The following KIAA1217 variants were observed in gnomAD, a reference collection of about 807,000 sequenced individuals.
KIAA1217 encodes the protein KIAA1217.
KIAA1217 carries 88 observed loss-of-function variants against 163.9 expected under a neutral mutation model. The observed-to-expected ratio is 0.54, with a 90% confidence interval of 0.45 to 0.64. KIAA1217 has a LOEUF of 0.64. Among genes scored for constraint, KIAA1217 ranks in the 30% least tolerant of loss-of-function variants. KIAA1217 has a pLI of 0.00. For synonymous variants in KIAA1217, 903 were observed against 923.1 expected (o/e 0.98, Z 0.39); for missense variants, 2,372 against 2,475.0 (o/e 0.96, Z 0.88).
At chr10:23,711,279 G>A (rs1167149884) in intron 1 of KIAA1217, among the ~76,000 whole-genome samples, 2 of 152,146 alleles carry the variant, frequency 1.3e-5, no homozygotes, top group African/African-American at 4.8e-5. Flanking sequence ...CTTTGCAGAT[G>A]GGATTCTATT....
At chr10:24,268,191 T>C (rs1590385054) in intron 2 of KIAA1217, among the ~76,000 whole-genome samples, 1 of 152,330 alleles carries the variant, frequency 6.6e-6, no homozygotes, top group African/African-American at 2.4e-5. Context: ...GTCGCCTATA[T>C]TGACTTTTCA....
chr10:24,524,837 A>C, intron 13 of KIAA1217, 73 bp downstream of exon 13: 2 of 1,280,368 alleles, frequency 1.6e-6, no homozygotes, highest in South Asian at 1.5e-5. Flanking sequence ...TAAAGCATTT[A>C]TAGGTCAGAT....
At chr10:24,320,543 C>G (rs1318874769) in intron 2 of KIAA1217, among the ~76,000 whole-genome samples, 1 of 152,184 alleles carries the variant, frequency 6.6e-6, no homozygotes, top group African/African-American at 2.4e-5. Flanking sequence ...TAAATATTGC[C>G]TTGGGGCAGT....
chr10:23,785,527 C>T (rs1835454105), intron 1 of KIAA1217, among the ~76,000 whole-genome samples: 2 of 152,148 alleles, frequency 1.3e-5, no homozygotes, highest in South Asian at 4.1e-4. Context: ...CTTTGAATTT[C>T]AATTAAAACC....
intron 2 of KIAA1217, among the ~76,000 whole-genome samples, chr10:24,070,571 C>T (rs1167276126): frequency 6.6e-6 from 1 of 152,030 alleles, no homozygotes; most frequent in Non-Finnish European, 1.5e-5. Flanking sequence ...TATAATTAAG[C>T]CAAATACATT....
chr10:24,063,064 A>G (rs1160102962), intron 2 of KIAA1217, among the ~76,000 whole-genome samples: 1 of 151,898 alleles, frequency 6.6e-6, no homozygotes, highest in East Asian at 1.9e-4. Flanking sequence ...AGTAGGTTGC[A>G]AAAATTTTCT....
At chr10:24,177,602 T>C (rs764587639) in intron 2 of KIAA1217, among the ~76,000 whole-genome samples, 13 of 151,852 alleles carry the variant, frequency 8.6e-5, no homozygotes, top group Non-Finnish European at 1.6e-4. Context: ...ATCTGTATAA[T>C]AAAGATATTC....
chr10:24,206,938 T>C (rs1335757911), upstream of KIAA1217, among the ~76,000 whole-genome samples: 1 of 152,118 alleles, frequency 6.6e-6, no homozygotes, highest in Non-Finnish European at 1.5e-5. Flanking sequence ...TTTTTGTCCA[T>C]CTAGGGGTCA....
At chr10:23,788,954 C>T (rs1835614413) in intron 1 of KIAA1217, among the ~76,000 whole-genome samples, 1 of 152,166 alleles carries the variant, frequency 6.6e-6, no homozygotes, top group Admixed American at 6.5e-5. Context: ...GAGCTCACGT[C>T]AAAAGGGACA....
intron 2 of KIAA1217, among the ~76,000 whole-genome samples, chr10:24,324,116 A>T (rs879491809): frequency 6.6e-6 from 1 of 151,384 alleles, no homozygotes; most frequent in Non-Finnish European, 1.5e-5. Flanking sequence ...AAAAAAATTT[A>T]AATTAGCTAA....
chr10:23,765,375 G>A (rs888254855), intron 1 of KIAA1217, among the ~76,000 whole-genome samples: 6 of 151,570 alleles, frequency 4.0e-5, no homozygotes, highest in East Asian at 1.9e-4. Flanking sequence ...GGGTTTCACC[G>A]TGTTAGCCAG....
At chr10:24,303,527 C>A (rs1409584730) in intron 2 of KIAA1217, among the ~76,000 whole-genome samples, 1 of 152,240 alleles carries the variant, frequency 6.6e-6, no homozygotes, top group East Asian at 1.9e-4. Flanking sequence ...CTGGGAAGGA[C>A]TGTAAAGAAA....
intron 12 of KIAA1217, among the ~76,000 whole-genome samples, chr10:24,523,624 CATT>C (rs1345510423): frequency 3.9e-5 from 6 of 152,174 alleles, no homozygotes; most frequent in Non-Finnish European, 7.3e-5. Context: ...CTGAGGAAGT[CATT>C]ATCATCACCA....
chr10:23,859,976 C>T (rs1172899419), intron 1 of KIAA1217, among the ~76,000 whole-genome samples: 1 of 151,996 alleles, frequency 6.6e-6, no homozygotes, highest in Non-Finnish European at 1.5e-5. Context: ...TTGTCATATG[C>T]TCATTTGAGT....
chr10:24,537,795 T>A (rs1045895690), intron 17 of KIAA1217, among the ~76,000 whole-genome samples: 2 of 152,306 alleles, frequency 1.3e-5, no homozygotes, highest in Admixed American at 6.5e-5. Flanking sequence ...TTAACATACA[T>A]GTGTGATGTC....
chr10:24,254,705 GC>G (rs2074951027), intron 2 of KIAA1217, among the ~76,000 whole-genome samples: 1 of 152,138 alleles, frequency 6.6e-6, no homozygotes, highest in South Asian at 2.1e-4. Context: ...GGTGATTTGG[GC>G]TTTGCCACGT....
chr10:23,860,658 G>A (rs1364490677), intron 1 of KIAA1217, among the ~76,000 whole-genome samples: 2 of 151,962 alleles, frequency 1.3e-5, no homozygotes, highest in Non-Finnish European at 2.9e-5. Context: ...AATAATAAAG[G>A]AATTGTTGTA....
intron 1 of KIAA1217, among the ~76,000 whole-genome samples, chr10:23,853,961 A>T (rs1788639478): frequency 6.6e-6 from 1 of 152,040 alleles, no homozygotes; most frequent in African/African-American, 2.4e-5. Flanking sequence ...CTTTCAAAAA[A>T]CCAGCTCCTG....
intron 5 of KIAA1217, among the ~76,000 whole-genome samples, chr10:24,469,290 A>T (rs1361299519): frequency 6.7e-6 from 1 of 149,216 alleles, no homozygotes; most frequent in Non-Finnish European, 1.5e-5. Flanking sequence ...CGCCTGGCTA[A>T]TTTTTGTATT....
Sources: gnomAD v4.1 joint callset for allele counts (sites outside exome capture counted in the v4.1 genomes callset) on GRCh38, gnomAD v4.1.1 for gene constraint, MANE v1.5 for transcripts, NCBI Gene and HGNC (gene_info 2026-07-23, HGNC 2026-07-21) for gene names.